The following ANKRD6 variants were observed in gnomAD, a reference collection of about 807,000 sequenced individuals.
ANKRD6 encodes ankyrin repeat domain-containing protein 6.
Under a neutral mutation model 82.3 loss-of-function variants are expected in ANKRD6, and 56 were observed. The observed-to-expected ratio is 0.68, with a 90% confidence interval of 0.55 to 0.85. The LOEUF (loss-of-function observed/expected upper bound fraction) is 0.85. ANKRD6 is among the 40% of genes least tolerant of loss of function. The probability of loss-of-function intolerance (pLI) is 0.00; values close to 1 mark genes in which losing one functional copy is unlikely to be tolerated. For synonymous variants in ANKRD6, 347 were observed against 352.1 expected, an observed-to-expected ratio of 0.99 and a Z score of 0.16; for missense variants, 852 against 907.6, an observed-to-expected ratio of 0.94 and a Z score of 0.79.
chr6:89,612,647 A>G (rs948466951), intron 6 of ANKRD6, among the ~76,000 whole-genome samples: 5 of 152,220 alleles, frequency 3.3e-5, no homozygotes, highest in African/African-American at 9.6e-5. Context: ...TGTCTGGCCA[A>G]TTACAGACTA....
chr6:89,458,228 G>A (rs1773709749), intron 1 of ANKRD6, among the ~76,000 whole-genome samples: 1 of 152,212 alleles, frequency 6.6e-6, no homozygotes, highest in Non-Finnish European at 1.5e-5. Flanking sequence ...ATAATAAGTG[G>A]AAATTATGAG....
At chr6:89,523,099 T>G (rs1331219428) in intron 1 of ANKRD6, among the ~76,000 whole-genome samples, 1 of 152,324 alleles carries the variant, frequency 6.6e-6, no homozygotes, top group East Asian at 1.9e-4. Context: ...TGTTTTATTC[T>G]CACTTAACAA....
rs1777451413 is a variant in ANKRD6 at position 89,486,977 on chromosome 6, TG to T, written c.-144+53608del. Among the ~76,000 whole-genome samples the T allele has an allele frequency of 1.3e-5, 2 of 152,268 alleles. 1 individual carries two copies. Among genetic ancestry groups the T allele is most frequent in the South Asian group, 4.1e-4 (2 of 4,832 alleles). On this transcript the variant is annotated intron_variant, in intron 1 of 15. Transcript: ENST00000339746. The stretch of plus-strand genomic sequence containing the variant: ...GGGTTTAAACATATGAATTTGGGGT[TG>T]GGGGGTGGACACAAACATTCAGTCC...
At chr6:89,446,431 G>C (rs747653165) in intron 1 of ANKRD6, among the ~76,000 whole-genome samples, 1 of 152,166 alleles carries the variant, frequency 6.6e-6, no homozygotes, top group African/African-American at 2.4e-5. Context: ...TCAAGTGAAA[G>C]GAAGAGTCTC....
At chr6:89,501,834 A>G (rs1287746267) in intron 1 of ANKRD6, among the ~76,000 whole-genome samples, 1 of 151,848 alleles carries the variant, frequency 6.6e-6, no homozygotes, top group Admixed American at 6.6e-5. Context: ...CTCTGATACA[A>G]GGAGTTATCT....
At chr6:89,570,824 G>T (rs188060601) in intron 2 of ANKRD6, among the ~76,000 whole-genome samples, 29 of 152,282 alleles carry the variant, frequency 1.9e-4, no homozygotes, top group Admixed American at 1.7e-3. Flanking sequence ...ACCGCCTTTT[G>T]CCTGTTGTGA....
chr6:89,627,457 A>G, intron 13 of ANKRD6, 126 bp from the exon 14 acceptor site: 1 of 668,270 alleles, frequency 1.5e-6, no homozygotes, highest in South Asian at 1.9e-5. Flanking sequence ...ATGGAATCAG[A>G]TAAGGGGTTG....
At chr6:89,547,599 C>T (rs1045387303) in intron 1 of ANKRD6, among the ~76,000 whole-genome samples, 2 of 152,154 alleles carry the variant, frequency 1.3e-5, no homozygotes, top group Non-Finnish European at 2.9e-5. Context: ...TTGCCATCCC[C>T]TCAGTATTAG....
chr6:89,444,959 A>T (rs140014999), intron 1 of ANKRD6, among the ~76,000 whole-genome samples: 3 of 151,750 alleles, frequency 2.0e-5, no homozygotes, highest in African/African-American at 7.3e-5. Flanking sequence ...CAAGAGCGAA[A>T]CTCCATGTCA....
Position 89,514,300 on chromosome 6 carries a change from C to G in ANKRD6, c.-143-52534C>G, listed in dbSNP as rs191155964. ...GGCTGAGGCAGGAGAATCGCTTGAA[C>G]CTGGGGGGCGGAGGTTGCAGTGAGC... On this transcript the variant is annotated intron_variant, in intron 1 of 15. Transcript: ENST00000339746. 5.9e-5 allele frequency among the ~76,000 whole-genome samples: 9 copies of G among 152,206 alleles called. No individual in the cohort carries two copies. In the East Asian group the frequency reaches 1.7e-3, roughly 29 times the overall value.
intron 1 of ANKRD6, among the ~76,000 whole-genome samples, chr6:89,520,893 TG>T (rs1354684638): frequency 1.3e-5 from 2 of 152,028 alleles, no homozygotes; most frequent in African/African-American, 4.8e-5. Context: ...GAGGCTGAGG[TG>T]GGAGGATCAT....
chr6:89,445,268 T>C (rs1323424978), intron 1 of ANKRD6, among the ~76,000 whole-genome samples: 3 of 136,908 alleles, frequency 2.2e-5, no homozygotes, highest in Non-Finnish European at 4.7e-5. Flanking sequence ...ATCTTTCTTT[T>C]TTTTTTTTTT....
intron 2 of ANKRD6, among the ~76,000 whole-genome samples, chr6:89,577,180 A>G (rs917937435): frequency 6.6e-6 from 1 of 151,556 alleles, no homozygotes; most frequent in African/African-American, 2.4e-5. Context: ...AGGGAGCCCC[A>G]TTTGTGCACA....
chr6:89,580,597 C>T (rs1418484395), intron 2 of ANKRD6, among the ~76,000 whole-genome samples: 1 of 149,376 alleles, frequency 6.7e-6, no homozygotes, highest in African/African-American at 2.5e-5. Flanking sequence ...TCTCCTGCTG[C>T]CACTCGCTGG....
chr6:89,442,631 T>G (rs1448697802), intron 1 of ANKRD6, among the ~76,000 whole-genome samples: 4 of 107,900 alleles, frequency 3.7e-5, no homozygotes, highest in African/African-American at 7.3e-5. Context: ...AGCAAAACCC[T>G]GTCTCAAAAA....
chr6:89,541,999 T>C (rs1281915704), intron 1 of ANKRD6, among the ~76,000 whole-genome samples: 1 of 151,968 alleles, frequency 6.6e-6, no homozygotes, highest in African/African-American at 2.4e-5. Flanking sequence ...CTAATTAGAA[T>C]GTACTTTTAT....
intron 11 of ANKRD6, 57 bp from the exon 12 acceptor site, chr6:89,623,815 G>T (rs963117225): frequency 6.5e-7 from 1 of 1,533,980 alleles, no homozygotes; most frequent in South Asian, 1.3e-5. Flanking sequence ...CCACCGACTG[G>T]TGTCAGTCTT....
At chr6:89,464,480 A>G (rs1051471251) in intron 1 of ANKRD6, among the ~76,000 whole-genome samples, 1 of 152,176 alleles carries the variant, frequency 6.6e-6, no homozygotes, top group East Asian at 1.9e-4. Context: ...GCAAGCGCTT[A>G]TATCTGTCAG....
chr6:89,439,834 G>A (rs561167235), intron 1 of ANKRD6, among the ~76,000 whole-genome samples: 1 of 152,244 alleles, frequency 6.6e-6, no homozygotes, highest in African/African-American at 2.4e-5. Context: ...GAGTAGCTGG[G>A]ATTACAGGTG....
Sources: allele counts gnomAD v4.1 joint callset (sites outside exome capture counted in the v4.1 genomes callset), GRCh38; gene constraint gnomAD v4.1.1; transcripts MANE v1.5; gene names NCBI Gene and HGNC (gene_info 2026-07-23, HGNC 2026-07-21).